RAPGEF2: variants seen among roughly 807,000 people sequenced by gnomAD.
The protein encoded by RAPGEF2 is Rap guanine nucleotide exchange factor 2, also known as PDZ domain containing guanine nucleotide exchange factor (GEF) 1.
A neutral mutation model predicts 186.7 loss-of-function variants in RAPGEF2; 54 were observed. The observed-to-expected ratio is 0.29, with a 90% confidence interval of 0.23 to 0.36. The LOEUF is 0.36. RAPGEF2 is among the 10% of genes least tolerant of loss of function. The pLI is 1.00. For missense variants in RAPGEF2, 1,532 were observed against 2,045.0 expected (o/e 0.75, Z 4.84); for synonymous variants, 712 against 705.9 (o/e 1.01, Z -0.14).
At chr4:159,195,696 A>G (rs1367452448) in intron 3 of RAPGEF2, among the ~76,000 whole-genome samples, 2 of 151,968 alleles carry the variant, frequency 1.3e-5, no homozygotes, top group Non-Finnish European at 2.9e-5. Flanking sequence ...CCTTGTCACC[A>G]TAAAATAATG....
chr4:159,122,303 A>G (rs1353025038), intron 1 of RAPGEF2, among the ~76,000 whole-genome samples: 1 of 151,890 alleles, frequency 6.6e-6, no homozygotes, highest in Admixed American at 6.6e-5. Context: ...ACATGGTGAA[A>G]CCCCATCTCC....
At chr4:159,245,938 C>T (rs1031450667) in intron 7 of RAPGEF2, among the ~76,000 whole-genome samples, 2 of 152,096 alleles carry the variant, frequency 1.3e-5, no homozygotes, top group African/African-American at 4.8e-5. Context: ...AAAATGCTCT[C>T]CATGCTTTAA....
chr4:159,334,335 AC>A (rs1767105592), intron 17 of RAPGEF2, among the ~76,000 whole-genome samples: 1 of 152,000 alleles, frequency 6.6e-6, no homozygotes, highest in African/African-American at 2.4e-5. Flanking sequence ...TGCAACCTTC[AC>A]CTCCTGAGCT....
intron 7 of RAPGEF2, among the ~76,000 whole-genome samples, chr4:159,250,686 T>G (rs958279912): frequency 1.9e-4 from 19 of 100,256 alleles, no homozygotes; most frequent in Admixed American, 6.1e-4. Context: ...TTTTTTTTTT[T>G]GGGACAGGGT....
At chr4:159,264,801 C>G (rs374507244) in intron 7 of RAPGEF2, among the ~76,000 whole-genome samples, 1 of 152,096 alleles carries the variant, frequency 6.6e-6, no homozygotes, top group Non-Finnish European at 1.5e-5. Context: ...TTTGTGCCTA[C>G]GTGAATTTGA....
At position 159,341,956 on chromosome 4, in the gene RAPGEF2, G is replaced by T; in HGVS notation, c.2918+9G>T. On this transcript the variant is annotated intron_variant, in intron 20 of 29. Coordinates refer to ENST00000691494, the MANE Select transcript of RAPGEF2 (RefSeq NM_001394067.2). ...ATGTTTGCAATCATCAGGTAAGAGAGCACATTTTTTCTTAAGATTCAGTTC... is the reference window on the plus strand; with the variant it reads ...ATGTTTGCAATCATCAGGTAAGAGATCACATTTTTTCTTAAGATTCAGTTC... 1 of 1,562,396 alleles carries T rather than the reference G, an allele frequency of 6.4e-7. No homozygotes were observed. The highest frequency in any genetic ancestry group is 8.6e-7 in the Non-Finnish European group (1 of 1,158,770).
At chr4:159,298,697 G>A (rs2111013298) in intron 7 of RAPGEF2, among the ~76,000 whole-genome samples, 2 of 152,326 alleles carry the variant, frequency 1.3e-5, no homozygotes, top group South Asian at 2.1e-4. Context: ...GGGAGTGAAA[G>A]ATCGTGTCTA....
At chr4:159,125,183 A>C (rs1477671174) in intron 1 of RAPGEF2, among the ~76,000 whole-genome samples, 1 of 152,188 alleles carries the variant, frequency 6.6e-6, no homozygotes, top group Non-Finnish European at 1.5e-5. Flanking sequence ...GGCATATGTT[A>C]GGTGCTTTGC....
At chr4:159,219,378 CG>C (rs1751299022) in intron 4 of RAPGEF2, among the ~76,000 whole-genome samples, 1 of 92,922 alleles carries the variant, frequency 1.1e-5, no homozygotes, top group Non-Finnish European at 1.9e-5. Flanking sequence ...TTTTTTGAGA[CG>C]GAGTCTTGCT....
chr4:159,132,173 A>G lies in RAPGEF2; in HGVS notation c.69+27942A>G, dbSNP rs150767435. Among the ~76,000 whole-genome samples the G allele has an allele frequency of 2.6e-3, 391 of 152,316 alleles. 2 individuals are homozygous for G. The highest frequency in any genetic ancestry group is 8.8e-3 in the African/African-American group (365 of 41,560). ...AGAATTGAGAAACATTTATTCAGAT[A>G]TATTCATAAGCCTGTGTCTTGCACA... On this transcript the variant is annotated intron_variant, in intron 1 of 29. Coordinates refer to ENST00000691494, the MANE Select transcript of RAPGEF2 (RefSeq NM_001394067.2).
chr4:159,323,109 A>G (rs1005639636), intron 10 of RAPGEF2, among the ~76,000 whole-genome samples: 1 of 152,210 alleles, frequency 6.6e-6, no homozygotes, highest in Non-Finnish European at 1.5e-5. Flanking sequence ...AATTTAATGC[A>G]TTTTGTCAGA....
In RAPGEF2 at chr4:159,193,219, A is replaced by C. The variant is rs1748296062; in HGVS notation, c.160A>C (p.Arg54=). 1 of 1,503,874 alleles carries C rather than the reference A, an allele frequency of 6.6e-7. No homozygotes were observed. The highest frequency in any genetic ancestry group is 2.5e-5 in the East Asian group (1 of 39,400). 93.2% of individuals were successfully genotyped at this position (1,503,874 alleles called of 1,614,324 possible). A position where few individuals can be genotyped will look rare whatever the true frequency, so the allele number is the denominator to read the frequency against. The change falls in exon 3 of 30, where the codon AGA becomes CGA. Residue 54 remains arginine, a synonymous_variant. Coordinates refer to ENST00000691494, the MANE Select transcript of RAPGEF2 (RefSeq NM_001394067.2). ...HQLRLMCETV[R]YERHEANEVL... ...TTACAGGTTAATGTGTGAAACTGTG[A>C]GATATGAGAGACACGAAGCAAATGA...
At chr4:159,186,060 A>G (rs1003572601) in intron 1 of RAPGEF2, among the ~76,000 whole-genome samples, 3 of 152,034 alleles carry the variant, frequency 2.0e-5, no homozygotes, top group Non-Finnish European at 4.4e-5. Context: ...AACTTTCATA[A>G]ATAACTTTGA....
chr4:159,309,156 G>C (rs528733348), intron 8 of RAPGEF2, among the ~76,000 whole-genome samples: 2 of 152,258 alleles, frequency 1.3e-5, no homozygotes, highest in African/African-American at 4.8e-5. Context: ...CATAGCTTTT[G>C]TATGCCTTCT....
intron 7 of RAPGEF2, chr4:159,282,624 A>G (rs894029975): frequency 4.5e-6 from 2 of 448,064 alleles, no homozygotes; most frequent in African/African-American, 2.0e-5. Flanking sequence ...TTTTCTAACG[A>G]AAGAGACTAC....
chr4:159,109,799 CAT>C (rs1419107705), intron 1 of RAPGEF2, among the ~76,000 whole-genome samples: 2 of 152,184 alleles, frequency 1.3e-5, no homozygotes, highest in African/African-American at 4.8e-5. Context: ...GACCTACTGT[CAT>C]ATGAGTAGCA....
chr4:159,259,865 A>C (rs1756599372), intron 7 of RAPGEF2, among the ~76,000 whole-genome samples: 2 of 152,170 alleles, frequency 1.3e-5, no homozygotes, highest in African/African-American at 4.8e-5. Context: ...ATATAATCTG[A>C]ATAATTCAGA....
chr4:159,251,550 G>C (rs1755395767), intron 7 of RAPGEF2, among the ~76,000 whole-genome samples: 1 of 152,162 alleles, frequency 6.6e-6, no homozygotes, highest in South Asian at 2.1e-4. Flanking sequence ...CTAGCGAGAG[G>C]ATTGTAAATG....
intron 2 of RAPGEF2, among the ~76,000 whole-genome samples, chr4:159,189,078 C>T (rs1416354280): frequency 3.9e-5 from 6 of 152,162 alleles, no homozygotes; most frequent in African/African-American, 1.4e-4. Flanking sequence ...AATATATCTC[C>T]TTTAGATAAA....
Sources: gnomAD v4.1 joint callset for allele counts (sites outside exome capture counted in the v4.1 genomes callset) on GRCh38, gnomAD v4.1.1 for gene constraint, MANE v1.5 for transcripts, NCBI Gene and HGNC (gene_info 2026-07-23, HGNC 2026-07-21) for gene names.